DEPDC1B: variants seen among roughly 807,000 people sequenced by gnomAD.
The protein encoded by DEPDC1B is DEP domain-containing protein 1B.
In DEPDC1B, 51 loss-of-function variants were observed where a neutral mutation model predicts 66.5. That is an observed-to-expected ratio of 0.77 (90% CI 0.61 to 0.97). The LOEUF (loss-of-function observed/expected upper bound fraction) is 0.97. DEPDC1B is among the 50% of genes least tolerant of loss of function. The pLI is 0.00. For missense variants in DEPDC1B, 552 were observed against 637.1 expected (o/e 0.87, Z 1.44); for synonymous variants, 226 against 223.6 (o/e 1.01, Z -0.10).
chr5:60,645,550 G>A lies in DEPDC1B; in HGVS notation c.520C>T (p.Arg174Cys), dbSNP rs1346429820. 20 of 1,613,006 alleles carry A rather than the reference G, an allele frequency of 1.2e-5. No homozygotes were observed. The highest frequency in any genetic ancestry group is 8.3e-5 in the Admixed American group (5 of 59,890). The change falls in exon 4 of 11, where the codon CGC (arginine) becomes TGC (cysteine). Residue 174 changes from arginine (R) to cysteine (C), a missense_variant. Transcript: ENST00000265036. ...GEVPACRLVH[R>C]RQLTEANVEE... ...ACATTGGCCTCTGTCAGCTGTCTGC[G>A]GTGGACAAGACGGCAAGCTGGCACC...
rs199555945 is a variant in DEPDC1B at position 60,667,594 on chromosome 5, A to AAG, written c.314+19367_314+19368insCT. 9.6e-3 allele frequency among the ~76,000 whole-genome samples: 1,334 copies of AAG among 139,436 alleles called. 29 individuals are homozygous for AAG. The highest frequency in any genetic ancestry group is 0.023 in the Middle Eastern group (2 of 88). The allele number at this position is 139,436 out of a possible 152,430, so 91.5% of individuals were successfully genotyped here. On this transcript the variant is annotated intron_variant, in intron 2 of 10. Transcript: ENST00000265036. ...AAGTGGATATTTTACATATATAAAA[A>AAG]TGGATATTTTACATATATATAAAAA...
intron 7 of DEPDC1B, among the ~76,000 whole-genome samples, chr5:60,617,464 C>G (rs1365188365): frequency 5.9e-5 from 9 of 151,990 alleles, no homozygotes; most frequent in Admixed American, 5.2e-4. Context: ...AAATGGAAAA[C>G]AAAATAAGGC....
intron 2 of DEPDC1B, among the ~76,000 whole-genome samples, chr5:60,668,908 A>G (rs1753967320): frequency 6.6e-6 from 1 of 152,240 alleles, no homozygotes; most frequent in African/African-American, 2.4e-5. Context: ...GCTAAATTTC[A>G]TTTTGCTTTA....
intron 7 of DEPDC1B, chr5:60,628,375 T>A (rs1752848599): frequency 6.6e-6 from 1 of 152,110 alleles, no homozygotes; most frequent in Admixed American, 6.5e-5. Flanking sequence ...TGAAAAGAAA[T>A]GAAACATGAA....
chr5:60,667,775 A>C (rs1753895600), intron 2 of DEPDC1B, among the ~76,000 whole-genome samples: 1 of 113,962 alleles, frequency 8.8e-6, no homozygotes, highest in South Asian at 2.7e-4. Context: ...TGGATATTTT[A>C]CATATATATA....
Position 60,597,888 on chromosome 5 carries a change from A to T in DEPDC1B, c.1455T>A (p.Tyr485Ter). The T allele has an allele frequency of 6.2e-7, 1 of 1,611,308 alleles. No homozygotes were observed. The highest frequency in any genetic ancestry group is 8.5e-7 in the Non-Finnish European group (1 of 1,179,198). The change falls in exon 11 of 11, where the codon TAT becomes TAA. Residue 485 changes from tyrosine to a stop codon, truncating the protein, a stop_gained. Transcript: ENST00000265036. LOFTEE classifies it high-confidence loss of function. The stretch of plus-strand genomic sequence containing the variant: ...TTTCTGGTGTAGGAAATCGTTCTTG[A>T]TAGACTTCAGGATAGGATTTCTGAA... Reference protein sequence around the residue: ...KQFQKSYPEVYQERFPTPESA... With the variant: ...KQFQKSYPEV
intron 2 of DEPDC1B, among the ~76,000 whole-genome samples, chr5:60,678,984 A>C (rs1046802009): frequency 2.0e-5 from 3 of 152,218 alleles, no homozygotes; most frequent in African/African-American, 7.2e-5. Flanking sequence ...ACCAAAACAA[A>C]GATTTTTCTC....
intron 2 of DEPDC1B, among the ~76,000 whole-genome samples, chr5:60,676,050 C>A (rs1460090871): frequency 6.6e-6 from 1 of 151,940 alleles, no homozygotes; most frequent in Non-Finnish European, 1.5e-5. Flanking sequence ...GCCTCAGCCT[C>A]CCGAGTAGCT....
chr5:60,684,198 C>T (rs932529595), intron 2 of DEPDC1B, among the ~76,000 whole-genome samples: 2 of 152,038 alleles, frequency 1.3e-5, no homozygotes, highest in Non-Finnish European at 1.5e-5. Flanking sequence ...ACAGATTCAA[C>T]GCAGTCTTTA....
chr5:60,663,986 G>A lies in DEPDC1B; in HGVS notation c.315-16453C>T, dbSNP rs1172608172. Among the ~76,000 whole-genome samples, 5 of 152,322 alleles carry A rather than the reference G, an allele frequency of 3.3e-5. No homozygotes were observed. The East Asian group carries it at 7.7e-4, about 24-fold the overall frequency. On this transcript the variant is annotated intron_variant, in intron 2 of 10. Transcript: ENST00000265036. ...AGGTTCCTTGGCATAACAGGCTTCTGCCGAATATGGATTCCCAGGTACGGT... is the reference window on the plus strand; with the variant it reads ...AGGTTCCTTGGCATAACAGGCTTCTACCGAATATGGATTCCCAGGTACGGT...
In DEPDC1B at chr5:60,687,070, C is replaced by T. The variant is rs750871821; in HGVS notation, c.206G>A (p.Arg69His). 7 of 1,614,210 alleles carry T rather than the reference C, an allele frequency of 4.3e-6. No homozygotes were observed. The highest frequency in any genetic ancestry group is 3.3e-4 in the Middle Eastern group (2 of 6,062). Reference protein sequence around the residue: ...CSQNFGPEVTRKQTVQLLKKF... With the variant: ...CSQNFGPEVTHKQTVQLLKKF... Reference sequence around the variant, plus strand: ...TTTTAGCAGCTGGACCGTTTGTTTGCGGGTCACTTCAGGGCCGAAGTTTTG... The same window carrying T: ...TTTTAGCAGCTGGACCGTTTGTTTGTGGGTCACTTCAGGGCCGAAGTTTTG... The change falls in exon 2 of 11, where the codon CGC becomes CAC. Residue 69 changes from arginine to histidine, a missense_variant. By Grantham distance (29) the Arg-to-His change is conservative (BLOSUM62 0). Coordinates refer to ENST00000265036, the MANE Select transcript of DEPDC1B (RefSeq NM_018369.3).
chr5:60,667,434 T>C (rs1365858201), intron 2 of DEPDC1B, among the ~76,000 whole-genome samples: 1 of 145,966 alleles, frequency 6.9e-6, no homozygotes, highest in African/African-American at 2.5e-5. Flanking sequence ...TTTACATATA[T>C]ACAAAAAATG....
chr5:60,630,239 A>C, intron 7 of DEPDC1B, among the ~76,000 whole-genome samples: 1 of 152,226 alleles, frequency 6.6e-6, no homozygotes. Flanking sequence ...TCTTTCAAAA[A>C]ATGTGTTGAC....
chr5:60,608,372 C>A (rs1752351970), intron 7 of DEPDC1B, among the ~76,000 whole-genome samples: 1 of 151,430 alleles, frequency 6.6e-6, no homozygotes, highest in African/African-American at 2.4e-5. Flanking sequence ...TTTGGCAAGC[C>A]ACATTTCCTA....
rs1381659429 is a variant in DEPDC1B, at chr5:60,620,221, T to C, written c.899-14365A>G. Among the ~76,000 whole-genome samples the C allele has an allele frequency of 6.6e-5, 10 of 152,314 alleles. 1 individual carries two copies. Among genetic ancestry groups the C allele is most frequent in the African/African-American group, 1.9e-4 (8 of 41,570 alleles). On this transcript the variant is annotated intron_variant, in intron 7 of 10. Transcript: ENST00000265036. ...AACCTAGGCAATACCATTCAGGACATAGGCATGGGCAAGGACTTCATGTCT... is the reference window on the plus strand; with the variant it reads ...AACCTAGGCAATACCATTCAGGACACAGGCATGGGCAAGGACTTCATGTCT...
intron 7 of DEPDC1B, among the ~76,000 whole-genome samples, chr5:60,613,786 A>ATT (rs199711409): frequency 9.4e-4 from 93 of 98,628 alleles, no homozygotes; most frequent in South Asian, 5.0e-3. Flanking sequence ...TTACATATGT[A>ATT]TTTGTGTGTG....
At chr5:60,638,926 T>C in intron 6 of DEPDC1B, 36 bp from the exon 7 acceptor site, 1 of 1,602,078 alleles carries the variant, frequency 6.2e-7, no homozygotes, top group Non-Finnish European at 8.5e-7. Context: ...GAAACATTAA[T>C]GGAGTAATTA....
At chr5:60,674,123 TAA>T in intron 2 of DEPDC1B, among the ~76,000 whole-genome samples, 1 of 145,296 alleles carries the variant, frequency 6.9e-6, no homozygotes, top group Non-Finnish European at 1.5e-5. Flanking sequence ...GTAAGGATAT[TAA>T]AAAAAAAAAA....
chr5:60,642,931 G>T, intron 5 of DEPDC1B, 72 bp from the exon 6 acceptor site: 2 of 1,185,996 alleles, frequency 1.7e-6, no homozygotes, highest in South Asian at 2.7e-5. Context: ...GGTATCATAA[G>T]AATGTATTAC....
Sources: allele counts gnomAD v4.1 joint callset (sites outside exome capture counted in the v4.1 genomes callset), GRCh38; gene constraint gnomAD v4.1.1; transcripts MANE v1.5; gene names NCBI Gene and HGNC (gene_info 2026-07-23, HGNC 2026-07-21).